Variants in EPB41L4A observed in about 807,000 individuals in gnomAD.
The protein encoded by EPB41L4A is band 4.1-like protein 4A.
A neutral mutation model predicts 108.6 loss-of-function variants in EPB41L4A; 100 were observed. The ratio of observed to expected loss-of-function variants is 0.92; its 90% CI spans 0.78 to 1.09. The LOEUF (loss-of-function observed/expected upper bound fraction) is 1.09, where lower values mean the gene tolerates loss of function less well. EPB41L4A is among the 50% of genes least tolerant of loss of function. The pLI is 0.00. For synonymous variants in EPB41L4A, 319 were observed against 289.0 expected (o/e 1.10, Z -1.05); for missense variants, 1,030 against 842.7 (o/e 1.22, Z -2.75).
chr5:112,387,469 A>C (rs1460698742), intron 1 of EPB41L4A, among the ~76,000 whole-genome samples: 3 of 152,080 alleles, frequency 2.0e-5, no homozygotes, highest in Non-Finnish European at 4.4e-5. Flanking sequence ...TACTAAAAAT[A>C]CAAAAAAAAA....
chr5:112,318,118 G>A (rs1393704533), intron 1 of EPB41L4A, among the ~76,000 whole-genome samples: 1 of 152,114 alleles, frequency 6.6e-6, no homozygotes, highest in African/African-American at 2.4e-5. Context: ...AGGTCACAGG[G>A]CTGGCTAACT....
At chr5:112,326,028 T>C (rs1047347113) in intron 1 of EPB41L4A, among the ~76,000 whole-genome samples, 2 of 152,142 alleles carry the variant, frequency 1.3e-5, no homozygotes, top group Non-Finnish European at 2.9e-5. Context: ...CACACACCTG[T>C]ATTTCCAGCT....
intron 17 of EPB41L4A, among the ~76,000 whole-genome samples, chr5:112,188,807 GTT>G (rs1373671660): frequency 1.3e-5 from 2 of 152,128 alleles, no homozygotes; most frequent in Admixed American, 6.6e-5. Context: ...ATGCCCATCA[GTT>G]TAAGTTTGCT....
intron 1 of EPB41L4A, among the ~76,000 whole-genome samples, chr5:112,384,846 T>C (rs953317153): frequency 2.0e-5 from 3 of 152,168 alleles, no homozygotes; most frequent in African/African-American, 7.2e-5. Flanking sequence ...CAATGGAATT[T>C]TGCCTCTGTT....
intron 21 of EPB41L4A, 28 bp from the exon 22 acceptor site, chr5:112,168,848 G>A (rs371127136): frequency 1.1e-5 from 18 of 1,571,436 alleles, no homozygotes; most frequent in African/African-American, 4.1e-5. Context: ...TAGAATTAGT[G>A]ACTGGAACAG....
Position 112,303,225 on chromosome 5 carries a change from G to T in EPB41L4A, c.204+4161C>A, listed in dbSNP as rs1754481740. Among the ~76,000 whole-genome samples, 3 of 152,242 alleles carry T rather than the reference G, an allele frequency of 2.0e-5. No individual in the cohort carries two copies. In the South Asian group the frequency reaches 6.2e-4, roughly 32 times the overall value. ...GAAACTTTACACGTTACAAAATACAGCATCAGGATGAAAGGAAGAGGGGCC... is the reference window on the plus strand; with the variant it reads ...GAAACTTTACACGTTACAAAATACATCATCAGGATGAAAGGAAGAGGGGCC... On this transcript the variant is annotated intron_variant, in intron 2 of 22. Coordinates refer to ENST00000261486, the MANE Select transcript of EPB41L4A (RefSeq NM_022140.5).
chr5:112,188,215 A>G lies in EPB41L4A; in HGVS notation c.1503-4080T>C, dbSNP rs56062009. On this transcript the variant is annotated intron_variant, in intron 17 of 22. Coordinates refer to ENST00000261486, the MANE Select transcript of EPB41L4A (RefSeq NM_022140.5). ...TTTTTGGATCACCTGCTATAAAGCA[A>G]TCTTTTTTTTTTCTAGTTTTTCTTC... Among the ~76,000 whole-genome samples, 873 of 151,240 alleles carry G rather than the reference A, an allele frequency of 5.8e-3. 3 individuals carry two copies. The highest frequency in any genetic ancestry group is 0.014 in the Middle Eastern group (4 of 294).
rs1753963625 is a variant in EPB41L4A, at chr5:112,295,996, C to T, written c.204+11390G>A. 1.3e-5 allele frequency among the ~76,000 whole-genome samples: 2 copies of T among 152,266 alleles called. 1 individual carries two copies. Among genetic ancestry groups the T allele is most frequent in the African/African-American group, 4.8e-5 (2 of 41,550 alleles). ...CCAAAATGAAATACTTTTCATGGAA[C>T]TCAAGTTAACATTTTTATTTAAATT... On this transcript the variant is annotated intron_variant, in intron 2 of 22. Coordinates refer to ENST00000261486, the MANE Select transcript of EPB41L4A (RefSeq NM_022140.5).
At chr5:112,301,984 A>C (rs1381990470) in intron 2 of EPB41L4A, among the ~76,000 whole-genome samples, 1 of 152,110 alleles carries the variant, frequency 6.6e-6, no homozygotes, top group African/African-American at 2.4e-5. Context: ...AAAGGAATAA[A>C]TAAATGTTTC....
chr5:112,413,975 G>C (rs893975029), intron 1 of EPB41L4A, among the ~76,000 whole-genome samples: 1 of 152,134 alleles, frequency 6.6e-6, no homozygotes, highest in Non-Finnish European at 1.5e-5. Flanking sequence ...TTTGCTGGGT[G>C]CTTATCATGT....
intron 20 of EPB41L4A, chr5:112,169,931 G>A (rs137963020): frequency 1.3e-4 from 28 of 215,022 alleles, no homozygotes; most frequent in Non-Finnish European, 2.5e-4. Flanking sequence ...CTGCTTCTAT[G>A]CCAGGGATGG....
At chr5:112,212,771 C>A (rs1332425674) in intron 12 of EPB41L4A, among the ~76,000 whole-genome samples, 1 of 152,046 alleles carries the variant, frequency 6.6e-6, no homozygotes, top group East Asian at 1.9e-4. Flanking sequence ...GTCAATAACA[C>A]CAACTGAAAA....
intron 1 of EPB41L4A, among the ~76,000 whole-genome samples, chr5:112,371,709 A>C (rs1561617602): frequency 6.6e-6 from 1 of 152,170 alleles, no homozygotes; most frequent in Non-Finnish European, 1.5e-5. Flanking sequence ...TCAGACTAGA[A>C]ATTGCTCTCA....
At chr5:112,381,872 C>G (rs1760198417) in intron 1 of EPB41L4A, among the ~76,000 whole-genome samples, 1 of 152,240 alleles carries the variant, frequency 6.6e-6, no homozygotes, top group Non-Finnish European at 1.5e-5. Flanking sequence ...GAGGAGGGGG[C>G]TCCTCCCAAA....
chr5:112,294,271 G>A (rs541428201), intron 2 of EPB41L4A, among the ~76,000 whole-genome samples: 7 of 152,312 alleles, frequency 4.6e-5, no homozygotes, highest in African/African-American at 1.7e-4. Flanking sequence ...AGAGAAGGAG[G>A]GAGCATGCAG....
intron 2 of EPB41L4A, among the ~76,000 whole-genome samples, chr5:112,289,192 A>G (rs969138846): frequency 6.6e-6 from 1 of 152,180 alleles, no homozygotes; most frequent in Non-Finnish European, 1.5e-5. Flanking sequence ...CAGATTATAG[A>G]TAGGGCCCAG....
At chr5:112,262,617 C>A in intron 6 of EPB41L4A, 36 bp from the exon 7 acceptor site, 1 of 1,537,424 alleles carries the variant, frequency 6.5e-7, no homozygotes, top group East Asian at 2.2e-5. Flanking sequence ...CCTTATTTTA[C>A]AGCAGCTACT....
intron 5 of EPB41L4A, 73 bp from the exon 6 acceptor site, chr5:112,265,089 C>T (rs1751759308): frequency 7.8e-7 from 1 of 1,286,320 alleles, no homozygotes; most frequent in Non-Finnish European, 1.0e-6. Flanking sequence ...TAAAATATTC[C>T]TAACATGCTT....
At chr5:112,369,771 C>G (rs1759367332) in intron 1 of EPB41L4A, among the ~76,000 whole-genome samples, 2 of 152,158 alleles carry the variant, frequency 1.3e-5, no homozygotes, top group African/African-American at 2.4e-5. Flanking sequence ...TACAAGATGA[C>G]AGCTGAACAC....
Sources: allele counts gnomAD v4.1 joint callset (sites outside exome capture counted in the v4.1 genomes callset), GRCh38; gene constraint gnomAD v4.1.1; transcripts MANE v1.5; gene names NCBI Gene and HGNC (gene_info 2026-07-23, HGNC 2026-07-21).